IGFL1: variants seen among roughly 807,000 people sequenced by gnomAD.
The protein encoded by IGFL1 is IGF like family member 1.
In IGFL1, 16 loss-of-function variants were observed where a neutral mutation model predicts 16.0. That is an observed-to-expected ratio of 1.00 (90% CI 0.68 to 1.52). The LOEUF is 1.52. Ranked by LOEUF, IGFL1 falls within the 40% of genes most tolerant of loss-of-function variation. The probability of loss-of-function intolerance (pLI) is 0.00; values close to 1 mark genes in which losing one functional copy is unlikely to be tolerated. For synonymous variants in IGFL1, 59 were observed against 54.0 expected (o/e 1.09, Z -0.41); for missense variants, 149 against 141.7 (o/e 1.05, Z -0.26).
Position 46,230,279 on chromosome 19 carries a change from C to G in IGFL1, c.85C>G (p.Pro29Ala). 1.2e-6 allele frequency: 2 copies of G among 1,613,972 alleles called. No homozygotes were observed. The highest frequency in any genetic ancestry group is 1.7e-6 in the Non-Finnish European group (2 of 1,179,888). The change falls in exon 3 of 4, where the codon CCC becomes GCC. Residue 29 changes from proline to alanine, a missense_variant. By Grantham distance (27) the Pro-to-Ala change is conservative. Transcript: ENST00000437936. ...LLCSHGAPVAPMTPYLMLCQP... is the reference protein window; with the variant it reads ...LLCSHGAPVAAMTPYLMLCQP... ...ACCAGCTCTGTCTCCTCCAGTGGCC[C>G]CCATGACTCCTTACCTGATGCTGTG...
chr19:46,230,874 G>A lies in IGFL1; in HGVS notation c.*44G>A, dbSNP rs781658884. The A allele has an allele frequency of 1.3e-6, 2 of 1,590,072 alleles. No individual in the cohort carries two copies. Among genetic ancestry groups the A allele is most frequent in the African/African-American group, 1.3e-5 (1 of 74,476 alleles). ...ATGACTCCTGGATTCTCCTTCCTGG[G>A]TGGGCCTGGAGAAAGAGGCTGGTGT... On this transcript the variant is annotated 3_prime_UTR_variant, in exon 4 of 4. Coordinates refer to ENST00000437936, the MANE Select transcript of IGFL1 (RefSeq NM_198541.2).
intron 1 of IGFL1, 100 bp from the exon 2 acceptor site, chr19:46,230,008 C>T (rs1967224938): frequency 1.4e-6 from 2 of 1,431,646 alleles, no homozygotes; most frequent in African/African-American, 1.4e-5. Context: ...TGCTCAAAGC[C>T]ATACCGAGCC....
chr19:46,230,106 A>G lies in IGFL1; in HGVS notation c.26-2A>G, dbSNP rs1345687569. ...CCCATCTTCCCTTTCCCTTTCCCACAGCTGTCTTTGCCATTTTCTGCATCT... is the reference window on the plus strand; with the variant it reads ...CCCATCTTCCCTTTCCCTTTCCCACGGCTGTCTTTGCCATTTTCTGCATCT... On this transcript the variant is annotated splice_acceptor_variant, in intron 1 of 3. Transcript: ENST00000437936. LOFTEE classifies it high-confidence loss of function. 3 of 1,613,198 alleles carry G rather than the reference A, an allele frequency of 1.9e-6. No individual in the cohort carries two copies. The highest frequency in any genetic ancestry group is 2.5e-6 in the Non-Finnish European group (3 of 1,179,806).
Position 46,231,060 on chromosome 19 carries a change from C to G in IGFL1, c.*230C>G. 1.6e-6 allele frequency: 1 copy of G among 612,324 alleles called. No homozygotes were observed. The highest frequency in any genetic ancestry group is 3.0e-6 in the Non-Finnish European group (1 of 338,774). 37.9% of individuals were successfully genotyped at this position (612,324 alleles called of 1,614,324 possible). ...TTCTGGACAGCATGAGATGCGTGTG[C>G]TGATGGGGGCCCAGGGACTCTGAAC... is the stretch of plus-strand genomic sequence containing the variant. On this transcript the variant is annotated 3_prime_UTR_variant, in exon 4 of 4. Coordinates refer to ENST00000437936, the MANE Select transcript of IGFL1 (RefSeq NM_198541.2).
intron 3 of IGFL1, 144 bp downstream of exon 3, chr19:46,230,661 G>A: frequency 7.2e-7 from 1 of 1,396,556 alleles, no homozygotes; most frequent in Non-Finnish European, 1.0e-6. Flanking sequence ...CTACACCTGT[G>A]TCTCCATCCA....
Position 46,230,527 on chromosome 19 carries a change from G to A in IGFL1, c.323+10G>A, listed in dbSNP as rs764392713. 1.2e-6 allele frequency: 2 copies of A among 1,612,724 alleles called. No individual in the cohort carries two copies. Among genetic ancestry groups the A allele is most frequent in the Non-Finnish European group, 1.7e-6 (2 of 1,179,302 alleles). On this transcript the variant is annotated intron_variant, in intron 3 of 3. Coordinates refer to ENST00000437936, the MANE Select transcript of IGFL1 (RefSeq NM_198541.2). Reference sequence around the variant, plus strand: ...ACAGGCTTTGTCGCAGGTGAGTCCTGTCCCCTCCGTGGGATTGTGGGTGCA... The same window carrying A: ...ACAGGCTTTGTCGCAGGTGAGTCCTATCCCCTCCGTGGGATTGTGGGTGCA...
rs764756271 is a variant in IGFL1 at position 46,230,112 on chromosome 19, CTT to C, written c.32_33del (p.Phe11CysfsTer46). 1 of 1,613,606 alleles carries C rather than the reference CTT, an allele frequency of 6.2e-7. No homozygotes were observed. The highest frequency in any genetic ancestry group is 1.1e-5 in the South Asian group (1 of 91,060). ...TTCCCTTTCCCTTTCCCACAGCTGT[CTT>C]TGCCATTTTCTGCATCTCCAGGCTC... Reference protein sequence around the residue: MAPRGCIVAVFAIFCISRLLC... With the variant: MAPRGCIVAVXAIFCISRLLC... On this transcript the variant is annotated frameshift_variant, in exon 2 of 4. Transcript: ENST00000437936. LOFTEE classifies it high-confidence loss of function.
intron 3 of IGFL1, 136 bp downstream of exon 3, chr19:46,230,653 A>G: frequency 7.0e-7 from 1 of 1,424,170 alleles, no homozygotes; most frequent in Non-Finnish European, 9.8e-7. Context: ...CCCTTTCCCT[A>G]CACCTGTGTC....
chr19:46,230,741 A>G, intron 3 of IGFL1, 80 bp from the exon 4 acceptor site: 1 of 1,522,066 alleles, frequency 6.6e-7, no homozygotes, highest in Non-Finnish European at 9.1e-7. Context: ...TCCTGTCCTC[A>G]TTTCTGCCCA....
chr19:46,229,970 A>G, intron 1 of IGFL1, 138 bp from the exon 2 acceptor site: 1 of 1,236,120 alleles, frequency 8.1e-7, no homozygotes, highest in South Asian at 1.3e-5. Flanking sequence ...GATCAGCCCC[A>G]TCCACAGCCC....
chr19:46,231,067 G>A lies in IGFL1; in HGVS notation c.*237G>A, dbSNP rs999912026. The A allele has an allele frequency of 4.0e-5, 24 of 607,222 alleles. No homozygotes were observed. The highest frequency in any genetic ancestry group is 4.5e-5 in the Non-Finnish European group (15 of 336,562). 37.6% of individuals were successfully genotyped at this position (607,222 alleles called of 1,614,324 possible). A position where few individuals can be genotyped will look rare whatever the true frequency, so the allele number is the denominator to read the frequency against. ...CAGCATGAGATGCGTGTGCTGATGG[G>A]GGCCCAGGGACTCTGAACCCTCCTG... On this transcript the variant is annotated 3_prime_UTR_variant, in exon 4 of 4. Transcript: ENST00000437936.
Position 46,230,338 on chromosome 19 carries a change from C to T in IGFL1, c.144C>T (p.Tyr48=), listed in dbSNP as rs372623417. 3.7e-5 allele frequency: 60 copies of T among 1,613,902 alleles called. No individual in the cohort carries two copies. Among genetic ancestry groups the T allele is most frequent in the Admixed American group, 1.0e-4 (6 of 60,010 alleles). Residue 48 remains tyrosine, a synonymous_variant, in exon 3 of 4, where the codon TAC becomes TAT. Transcript: ENST00000437936. The stretch of plus-strand genomic sequence containing the variant: ...ACAAGAGATGTGGGGACAAGTTCTA[C>T]GACCCCCTGCAGCACTGTTGCTATG... ...QPHKRCGDKF[Y]DPLQHCCYDD...
chr19:46,230,771 C>G (rs1237395978), intron 3 of IGFL1, 50 bp from the exon 4 acceptor site: 38 of 1,601,694 alleles, frequency 2.4e-5, no homozygotes, highest in African/African-American at 4.0e-5. Flanking sequence ...TCGCCCCCAT[C>G]TCTGGCCATC....
In IGFL1 at chr19:46,230,983, T is replaced by G. The variant is rs1967237369; in HGVS notation, c.*153T>G. ...TGCCCACTTCATTCTGTGACCTGTCTGAGGCCCACCCTGCAGCTGCCCTGA... is the reference window on the plus strand; with the variant it reads ...TGCCCACTTCATTCTGTGACCTGTCGGAGGCCCACCCTGCAGCTGCCCTGA... On this transcript the variant is annotated 3_prime_UTR_variant, in exon 4 of 4. Transcript: ENST00000437936. The G allele has an allele frequency of 1.3e-6, 1 of 797,950 alleles. No individual in the cohort carries two copies. The highest frequency in any genetic ancestry group is 1.7e-5 in the African/African-American group (1 of 58,816). The allele number at this position is 797,950 out of a possible 1,614,324, so 49.4% of individuals were successfully genotyped here.
Position 46,230,413 on chromosome 19 carries a change from C to T in IGFL1, c.219C>T (p.Thr73=), listed in dbSNP as rs1301579014. 1.9e-6 allele frequency: 3 copies of T among 1,613,950 alleles called. No individual in the cohort carries two copies. In the African/African-American group the frequency reaches 4.0e-5, roughly 22 times the overall value. ...GGACCCAGACGTGTGGAAACTGCAC[C>T]TTCAGAGTCTGCTTTGAGCAGTGCT... The part of the protein sequence containing the change: ...LARTQTCGNC[T]FRVCFEQCCP... Residue 73 remains threonine (T), a synonymous_variant, in exon 3 of 4, where the codon ACC becomes ACT. Transcript: ENST00000437936.
Position 46,230,991 on chromosome 19 carries a change from AC to A in IGFL1, c.*164del. ...TCATTCTGTGACCTGTCTGAGGCCCACCCTGCAGCTGCCCTGAGGAGGCCCA... is the reference window on the plus strand; with the variant it reads ...TCATTCTGTGACCTGTCTGAGGCCCACCTGCAGCTGCCCTGAGGAGGCCCA... On this transcript the variant is annotated 3_prime_UTR_variant, in exon 4 of 4. Transcript: ENST00000437936. 1.3e-6 allele frequency: 1 copy of A among 751,952 alleles called. No individual in the cohort carries two copies. The highest frequency in any genetic ancestry group is 2.7e-5 in the East Asian group (1 of 37,238). The allele number at this position is 751,952 out of a possible 1,614,324, so 46.6% of individuals were successfully genotyped here.
intron 3 of IGFL1, 56 bp from the exon 4 acceptor site, chr19:46,230,765 C>G (rs73051957): frequency 0.12 from 198,338 of 1,589,988 alleles, 14,365 homozygotes; most frequent in Non-Finnish European, 0.15. Context: ...TCAGTCTCGC[C>G]CCCATCTCTG....
At position 46,230,390 on chromosome 19, in the gene IGFL1, A is replaced by T; in HGVS notation, c.196A>T (p.Thr66Ser). 1 of 1,613,974 alleles carries T rather than the reference A, an allele frequency of 6.2e-7. No individual in the cohort carries two copies. The highest frequency in any genetic ancestry group is 8.5e-7 in the Non-Finnish European group (1 of 1,179,890). Residue 66 changes from threonine to serine, a missense_variant, in exon 3 of 4, where the codon ACC (threonine) becomes TCC (serine). By Grantham distance (58) the Thr-to-Ser change is moderately conservative (BLOSUM62 1). Coordinates refer to ENST00000437936, the MANE Select transcript of IGFL1 (RefSeq NM_198541.2). ...TGATGCCGTCGTGCCCTTGGCCAGG[A>T]CCCAGACGTGTGGAAACTGCACCTT... The part of the protein sequence containing the change: ...YDDAVVPLAR[T>S]QTCGNCTFRV...
rs1423771592 is a variant in IGFL1, at chr19:46,230,828, T to C, written c.331T>C (p.Ter111GlnextTer73). The stretch of plus-strand genomic sequence containing the variant: ...CTCTGTCACTATCTCCAGTGTCAGC[T>C]AATGGAACATCAGGGGAACGATGAC... ...SDDRLCRSVS[*>Q] is the part of the protein sequence containing the mutation. The change falls in exon 4 of 4, where the codon TAA (stop) becomes CAA (glutamine). Residue 111 changes from the stop codon to glutamine, a stop_lost. Coordinates refer to ENST00000437936, the MANE Select transcript of IGFL1 (RefSeq NM_198541.2). 2 of 1,611,556 alleles carry C rather than the reference T, an allele frequency of 1.2e-6. No homozygotes were observed. Among genetic ancestry groups the C allele is most frequent in the Non-Finnish European group, 1.7e-6 (2 of 1,178,936 alleles).
Sources: allele counts gnomAD v4.1 joint callset, GRCh38; gene constraint gnomAD v4.1.1; transcripts MANE v1.5; gene names NCBI Gene and HGNC (gene_info 2026-07-23, HGNC 2026-07-21).